The following CDK2AP1 variants were observed in gnomAD, a reference collection of about 807,000 sequenced individuals.
CDK2AP1 encodes cyclin-dependent kinase 2-associated protein 1.
In CDK2AP1, 10 loss-of-function variants were observed where a neutral mutation model predicts 14.1. The observed-to-expected ratio is 0.71, with a 90% confidence interval of 0.44 to 1.20. The LOEUF (loss-of-function observed/expected upper bound fraction) is 1.20, where lower values mean the gene tolerates loss of function less well. CDK2AP1 is among the 50% of genes most tolerant of loss of function. CDK2AP1 has a pLI of 0.00. For missense variants in CDK2AP1, 102 were observed against 149.9 expected (o/e 0.68, Z 1.67); for synonymous variants, 59 against 59.8 (o/e 0.99, Z 0.06).
In CDK2AP1 at chr12:123,265,190, G is replaced by C; in HGVS notation, c.280+6C>G. On this transcript the variant is annotated splice_donor_region_variant and intron_variant, in intron 3 of 3. Transcript: ENST00000261692. This position sits in a 1 kb window ranked among gnomAD's most constrained non-coding sequence, Gnocchi z 5.3. The stretch of plus-strand genomic sequence containing the variant: ...GTCACCGACAGGGCAGCGGGGCCGG[G>C]CTTACCGCGCTTCAGCCTCTCCATG... 6.2e-7 allele frequency: 1 copy of C among 1,613,896 alleles called. No individual in the cohort carries two copies. Among genetic ancestry groups the C allele is most frequent in the Non-Finnish European group, 8.5e-7 (1 of 1,179,830 alleles).
intron 1 of CDK2AP1, chr12:123,271,135 G>T: frequency 1.7e-6 from 1 of 576,024 alleles, no homozygotes; most frequent in Non-Finnish European, 2.2e-6. Flanking sequence ...GCTGCTTCAC[G>T]ACCCCGCTCC....
chr12:123,269,608 C>G (rs1259335601), intron 1 of CDK2AP1, among the ~76,000 whole-genome samples: 3 of 152,290 alleles, frequency 2.0e-5, no homozygotes, highest in African/African-American at 7.2e-5. Context: ...CGGCTCCCCA[C>G]CCCCACGCCA....
intron 3 of CDK2AP1, among the ~76,000 whole-genome samples, chr12:123,264,657 C>A (rs1256027073): frequency 6.6e-6 from 1 of 152,088 alleles, no homozygotes; most frequent in Non-Finnish European, 1.5e-5. Context: ...CACACCTTAA[C>A]ACGAGTCCCT....
At chr12:123,262,279 C>T (rs1271380167) in intron 3 of CDK2AP1, 1 of 153,506 alleles carries the variant, frequency 6.5e-6, no homozygotes, top group East Asian at 1.9e-4. Flanking sequence ...GACAACCCCA[C>T]AAGACTGCAG....
At chr12:123,270,420 A>C (rs2048343826) in intron 1 of CDK2AP1, among the ~76,000 whole-genome samples, 1 of 152,044 alleles carries the variant, frequency 6.6e-6, no homozygotes, top group Non-Finnish European at 1.5e-5. Flanking sequence ...CAACGTTTGC[A>C]AACAAGGCCC....
Position 123,271,618 on chromosome 12 carries a change from TCCCCCCGGGCGGCGGG to T in CDK2AP1, c.-16_-1del. The T allele has an allele frequency of 2.0e-6, 2 of 991,230 alleles. No homozygotes were observed. The highest frequency in any genetic ancestry group is 1.8e-5 in the African/African-American group (1 of 55,698). The allele number at this position is 991,230 out of a possible 1,614,324, so 61.4% of individuals were successfully genotyped here. ...GCGGCCAAGTTCGGTTTGTAAGACATCCCCCCGGGCGGCGGGCGCGCCGGGCGCGGCGGGGCCAGGC... is the reference window on the plus strand; with the variant it reads ...GCGGCCAAGTTCGGTTTGTAAGACATCGCGCCGGGCGCGGCGGGGCCAGGC... On this transcript the variant is annotated 5_prime_UTR_variant, in exon 1 of 4. Coordinates refer to ENST00000261692, the MANE Select transcript of CDK2AP1 (RefSeq NM_004642.4).
intron 3 of CDK2AP1, among the ~76,000 whole-genome samples, chr12:123,264,025 T>C (rs533615928): frequency 1.3e-5 from 2 of 151,944 alleles, no homozygotes; most frequent in Admixed American, 6.6e-5. Flanking sequence ...AGGAAAATTG[T>C]TTGAACCCGG....
At chr12:123,264,825 T>G (rs2048272169) in intron 3 of CDK2AP1, among the ~76,000 whole-genome samples, 1 of 152,138 alleles carries the variant, frequency 6.6e-6, no homozygotes, top group Non-Finnish European at 1.5e-5. Context: ...CGATGAACCC[T>G]GAGCTTGGCT....
At chr12:123,264,867 G>A (rs2138814259) in intron 3 of CDK2AP1, among the ~76,000 whole-genome samples, 1 of 152,284 alleles carries the variant, frequency 6.6e-6, no homozygotes, top group South Asian at 2.1e-4. Context: ...CACAGGAGCA[G>A]ACCAGGCAGG....
rs1018231815 is a variant in CDK2AP1 at position 123,265,284 on chromosome 12, C to T, written c.192G>A (p.Ala64=). 21 of 1,614,008 alleles carry T rather than the reference C, an allele frequency of 1.3e-5. No individual in the cohort carries two copies. Among genetic ancestry groups the T allele is most frequent in the East Asian group, 1.1e-4 (5 of 44,884 alleles). ...GNSQVPQSKY[A]ELLAIIEELG... is the part of the protein sequence containing the mutation. Reference sequence around the variant, plus strand: ...GCTCTTCAATGATGGCCAGCAGCTCCGCGTATTTGCTTTGGGGCACCTGGC... The same window carrying T: ...GCTCTTCAATGATGGCCAGCAGCTCTGCGTATTTGCTTTGGGGCACCTGGC... The change falls in exon 3 of 4, where the codon GCG becomes GCA. Residue 64 remains alanine, a synonymous_variant. Coordinates refer to ENST00000261692, the MANE Select transcript of CDK2AP1 (RefSeq NM_004642.4). The surrounding 1 kb of genome is among the most constrained non-coding windows in gnomAD (Gnocchi z 5.3).
chr12:123,262,030 A>AT (rs758834446), intron 3 of CDK2AP1: 8 of 434,386 alleles, frequency 1.8e-5, no homozygotes, highest in Non-Finnish European at 2.1e-5. Flanking sequence ...CTCTCTAAAC[A>AT]TTTTTTCCTG....
At chr12:123,272,055 T>C (rs1363237378), upstream of CDK2AP1, 2 of 149,424 alleles carry the variant, frequency 1.3e-5, no homozygotes, top group Non-Finnish European at 3.0e-5. Context: ...CCCGGGGGTG[T>C]GCTGGGGGCC....
intron 2 of CDK2AP1, among the ~76,000 whole-genome samples, chr12:123,266,408 C>A (rs2048294346): frequency 6.6e-6 from 1 of 152,288 alleles, no homozygotes; most frequent in Non-Finnish European, 1.5e-5. Flanking sequence ...TGGGGCAGGG[C>A]AGCCTGGTGG....
Position 123,265,287 on chromosome 12 carries a change from G to GT in CDK2AP1, c.188dup (p.Tyr63Ter). ...TGNSQVPQSK[Y>*]AELLAIIEEL... ...CTTCAATGATGGCCAGCAGCTCCGC[G>GT]TATTTGCTTTGGGGCACCTGGCTGT... The change falls in exon 3 of 4, where the codon TAC (tyrosine) becomes TAAC (stop). Residue 63 changes from tyrosine to a stop codon, truncating the protein, a stop_gained and frameshift_variant. Coordinates refer to ENST00000261692, the MANE Select transcript of CDK2AP1 (RefSeq NM_004642.4). LOFTEE classifies it high-confidence loss of function. This position sits in a 1 kb window ranked among gnomAD's most constrained non-coding sequence, Gnocchi z 5.3. 6.2e-7 allele frequency: 1 copy of GT among 1,614,078 alleles called. No homozygotes were observed. Among genetic ancestry groups the GT allele is most frequent in the Non-Finnish European group, 8.5e-7 (1 of 1,179,998 alleles).
rs372611681 is a variant in CDK2AP1, at chr12:123,263,226, AC to A, written c.281-1424del. Among the ~76,000 whole-genome samples the A allele has an allele frequency of 1.8e-3, 266 of 150,162 alleles. 6 individuals carry two copies. Among genetic ancestry groups the A allele is most frequent in the African/African-American group, 2.4e-3 (98 of 41,030 alleles). On this transcript the variant is annotated intron_variant, in intron 3 of 3. Transcript: ENST00000261692. ...ACTCTGTCTCAAAAAAAAAAAAAAAACAAAAAAAAACCACTATTCTTGGCTC... is the reference window on the plus strand; with the variant it reads ...ACTCTGTCTCAAAAAAAAAAAAAAAAAAAAAAAAACCACTATTCTTGGCTC...
intron 3 of CDK2AP1, chr12:123,262,347 C>G (rs2048242053): frequency 6.6e-6 from 1 of 152,226 alleles, no homozygotes; most frequent in Admixed American, 6.6e-5. Context: ...TGGTGCTTAC[C>G]TTTTTTTTCT....
chr12:123,266,988 C>T (rs1009685356), intron 2 of CDK2AP1, among the ~76,000 whole-genome samples, 197 bp downstream of exon 2: 1 of 152,214 alleles, frequency 6.6e-6, no homozygotes, highest in Non-Finnish European at 1.5e-5. Flanking sequence ...CCACCTCACA[C>T]GTCCCCGCGA....
At chr12:123,270,292 C>T (rs2048342547) in intron 1 of CDK2AP1, 1 of 485,612 alleles carries the variant, frequency 2.1e-6, no homozygotes, top group African/African-American at 2.1e-5. Context: ...GTGAGCAATT[C>T]AACTCTCCCT....
intron 1 of CDK2AP1, among the ~76,000 whole-genome samples, chr12:123,269,874 C>T (rs1328928574): frequency 6.6e-6 from 1 of 151,750 alleles, no homozygotes; most frequent in Non-Finnish European, 1.5e-5. Flanking sequence ...TGGGGTTCTG[C>T]AAAGGGGCCC....
Sources: allele counts gnomAD v4.1 joint callset (sites outside exome capture counted in the v4.1 genomes callset), GRCh38; gene constraint gnomAD v4.1.1; non-coding constraint Gnocchi (gnomAD v3.1); transcripts MANE v1.5; gene names NCBI Gene and HGNC (gene_info 2026-07-23, HGNC 2026-07-21).